Variants in HAAO observed in about 807,000 individuals in gnomAD.
HAAO encodes 3-hydroxyanthranilate 3,4-dioxygenase, also known as 3-hydroxyanthranilate oxygenase.
A neutral mutation model predicts 46.2 loss-of-function variants in HAAO; 49 were observed. The observed-to-expected ratio is 1.06, with a 90% CI of 0.84 to 1.34. HAAO has a LOEUF of 1.34. Among genes scored for constraint, HAAO ranks in the 40% most tolerant of loss-of-function variants. The pLI, the probability that HAAO is intolerant of heterozygous loss-of-function variation, is 0.00. For missense variants in HAAO, 408 were observed against 364.5 expected (o/e 1.12, Z -0.97); for synonymous variants, 157 against 145.2 (o/e 1.08, Z -0.58).
At chr2:42,777,303 CA>C (rs1215772853) in intron 4 of HAAO, among the ~76,000 whole-genome samples, 22 of 40,228 alleles carry the variant, frequency 5.5e-4, no homozygotes, top group East Asian at 4.3e-3. Flanking sequence ...ACTCTTATCG[CA>C]AAAAAAAAAA....
chr2:42,781,086 CACA>C (rs1024736188), intron 4 of HAAO, among the ~76,000 whole-genome samples: 4 of 151,814 alleles, frequency 2.6e-5, no homozygotes, highest in African/African-American at 9.7e-5. Flanking sequence ...CAAAAAAAAA[CACA>C]ACAATTTAGT....
chr2:42,772,341 CATG>C (rs1194779199), intron 4 of HAAO, among the ~76,000 whole-genome samples: 5 of 152,006 alleles, frequency 3.3e-5, no homozygotes, highest in Admixed American at 2.6e-4. Context: ...ATTAGCCAGA[CATG>C]GTGGTGCATG....
At chr2:42,770,843 C>G (rs1395483388) in intron 4 of HAAO, among the ~76,000 whole-genome samples, 2 of 152,194 alleles carry the variant, frequency 1.3e-5, no homozygotes, top group Non-Finnish European at 2.9e-5. Context: ...GTTCCCAAAA[C>G]TAGACAAAGC....
intron 2 of HAAO, 58 bp downstream of exon 2, chr2:42,788,471 C>T (rs1479098529): frequency 3.6e-6 from 4 of 1,120,924 alleles, no homozygotes; most frequent in African/African-American, 1.5e-5. Context: ...CGCCCCCTCC[C>T]GCTAGGGCCA....
rs569644485 is a variant in HAAO, at chr2:42,775,115, C to T, written c.351-4533G>A. 2.7e-3 allele frequency among the ~76,000 whole-genome samples: 413 copies of T among 152,200 alleles called. 1 individual carries two copies. The highest frequency in any genetic ancestry group is 9.0e-3 in the African/African-American group (373 of 41,522). On this transcript the variant is annotated intron_variant, in intron 4 of 9. Coordinates refer to ENST00000294973, the MANE Select transcript of HAAO (RefSeq NM_012205.3). The stretch of plus-strand genomic sequence containing the variant: ...TACAAAAATTAGCTGGGCGCAGTGG[C>T]GCGCACCTGTAATTCCAGCTATTCA...
intron 4 of HAAO, among the ~76,000 whole-genome samples, chr2:42,772,989 A>C (rs1671263486): frequency 1.3e-5 from 2 of 151,042 alleles, no homozygotes; most frequent in South Asian, 4.2e-4. Flanking sequence ...TGGAAAATCT[A>C]TTTCCCTGAG....
Position 42,792,494 on chromosome 2 carries a change from G to T in HAAO, c.43C>A (p.Arg15=). The change falls in exon 1 of 10, where the codon CGG becomes AGG. Residue 15 remains arginine, a synonymous_variant. Coordinates refer to ENST00000294973, the MANE Select transcript of HAAO (RefSeq NM_012205.3). ...CAGACCGGGGGCTGGAAGGAGCCCC[G>T]GTTCTCCTTCACCCAGGCCCTCACT... ...LGVRAWVKEN[R]GSFQPPVCNK... 6.3e-7 allele frequency: 1 copy of T among 1,593,352 alleles called. No homozygotes were observed. The highest frequency in any genetic ancestry group is 8.5e-7 in the Non-Finnish European group (1 of 1,170,530).
intron 2 of HAAO, among the ~76,000 whole-genome samples, chr2:42,786,793 C>T (rs1314849254): frequency 1.3e-5 from 2 of 152,100 alleles, no homozygotes; most frequent in East Asian, 1.9e-4. Flanking sequence ...GTACCCTGAC[C>T]GCTATTGCAG....
In HAAO at chr2:42,783,349, C is replaced by G; in HGVS notation, c.315G>C (p.Glu105Asp). ...RFANTVGLVV[E>D]RRRLETELDG... ...CTAGCTCGGTCTCCAGCCGCCTTCG[C>G]TCAACCACCAGCCCCACGGTGTTGG... Residue 105 changes from glutamate to aspartate, a missense_variant, in exon 4 of 10, where the codon GAG becomes GAC. Coordinates refer to ENST00000294973, the MANE Select transcript of HAAO (RefSeq NM_012205.3). 1 of 1,613,300 alleles carries G rather than the reference C, an allele frequency of 6.2e-7. No homozygotes were observed. Among genetic ancestry groups the G allele is most frequent in the Non-Finnish European group, 8.5e-7 (1 of 1,179,622 alleles).
In HAAO at chr2:42,767,621, G is replaced by A. The variant is rs908403354; in HGVS notation, c.756C>T (p.Asp252=). The change falls in exon 9 of 10, where the codon GAC becomes GAT. Residue 252 remains aspartate, a synonymous_variant. Transcript: ENST00000294973. ...GGRRLSLAPD[D]SLLVLAGTSY... ...AGGTCCCAGCTAGCACCAGGAGGCT[G>A]TCATCAGGGGCCAGGCTCAGGCGCC... 1 of 1,573,674 alleles carries A rather than the reference G, an allele frequency of 6.4e-7. No homozygotes were observed. The highest frequency in any genetic ancestry group is 1.3e-5 in the African/African-American group (1 of 74,192).
At position 42,767,682 on chromosome 2, in the gene HAAO, A is replaced by G; in HGVS notation, c.700-5T>C. On this transcript the variant is annotated splice_polypyrimidine_tract_variant and splice_region_variant and intron_variant, in intron 8 of 9. Coordinates refer to ENST00000294973, the MANE Select transcript of HAAO (RefSeq NM_012205.3). ...TGTCACCACCGAGGAGCCCTCCTGG[A>G]GAAGAGGAGCAGGAGAATCAAATGG... The G allele has an allele frequency of 1.3e-6, 2 of 1,569,262 alleles. No homozygotes were observed. The highest frequency in any genetic ancestry group is 2.4e-5 in the East Asian group (1 of 42,246).
At chr2:42,785,882 C>G (rs1267475527) in intron 2 of HAAO, among the ~76,000 whole-genome samples, 2 of 152,054 alleles carry the variant, frequency 1.3e-5, no homozygotes, top group African/African-American at 4.8e-5. Context: ...AAAACAAACA[C>G]AAACATGAAC....
intron 4 of HAAO, among the ~76,000 whole-genome samples, chr2:42,782,142 CT>C (rs1446582896): frequency 6.6e-6 from 1 of 152,068 alleles, no homozygotes; most frequent in South Asian, 2.1e-4. Context: ...TTTTTTACTT[CT>C]TTTTTTGTTT....
Position 42,767,945 on chromosome 2 carries a change from C to T in HAAO, c.631-17G>A. The T allele has an allele frequency of 6.2e-7, 1 of 1,611,218 alleles. No individual in the cohort carries two copies. Among genetic ancestry groups the T allele is most frequent in the Non-Finnish European group, 8.5e-7 (1 of 1,177,534 alleles). On this transcript the variant is annotated splice_polypyrimidine_tract_variant and intron_variant, in intron 7 of 9. Coordinates refer to ENST00000294973, the MANE Select transcript of HAAO (RefSeq NM_012205.3). Reference sequence around the variant, plus strand: ...GGCGATCACCTGGTGGGAGGTGAAACAGAAACTTCTGGTGCTTCTTGCCCC... The same window carrying T: ...GGCGATCACCTGGTGGGAGGTGAAATAGAAACTTCTGGTGCTTCTTGCCCC...
intron 4 of HAAO, among the ~76,000 whole-genome samples, chr2:42,771,900 G>A (rs933756481): frequency 6.6e-6 from 1 of 152,270 alleles, no homozygotes; most frequent in Non-Finnish European, 1.5e-5. Context: ...CCACCAGAAA[G>A]CTTCATAACT....
intron 8 of HAAO, 28 bp from the exon 9 acceptor site, chr2:42,767,705 T>C (rs377187782): frequency 1.7e-5 from 27 of 1,556,682 alleles, no homozygotes; most frequent in Non-Finnish European, 1.7e-5. Flanking sequence ...GAGAATCAAA[T>C]GGAGACTGTT....
intron 1 of HAAO, among the ~76,000 whole-genome samples, chr2:42,792,187 G>C (rs1033980884): frequency 3.9e-5 from 6 of 152,146 alleles, no homozygotes; most frequent in African/African-American, 1.4e-4. Flanking sequence ...AGCCCTGGAA[G>C]GAGAGGTGCA....
chr2:42,791,576 T>C (rs972435125), intron 1 of HAAO, among the ~76,000 whole-genome samples: 5 of 152,106 alleles, frequency 3.3e-5, no homozygotes, highest in Admixed American at 3.3e-4. Flanking sequence ...GCACAGGCGC[T>C]CCGTGACACT....
chr2:42,789,735 T>C (rs1232158234), intron 1 of HAAO, among the ~76,000 whole-genome samples: 1 of 152,110 alleles, frequency 6.6e-6, no homozygotes, highest in African/African-American at 2.4e-5. Flanking sequence ...AGTCAGCTGT[T>C]TGGAACAAAA....
Sources: gnomAD v4.1 joint callset for allele counts (sites outside exome capture counted in the v4.1 genomes callset) on GRCh38, gnomAD v4.1.1 for gene constraint, MANE v1.5 for transcripts, NCBI Gene and HGNC (gene_info 2026-07-23, HGNC 2026-07-21) for gene names.